The following ACTN4 variants were observed in gnomAD, a reference collection of about 807,000 sequenced individuals.
ACTN4 encodes the protein actinin alpha 4.
In ACTN4, 18 loss-of-function variants were observed where a neutral mutation model predicts 114.2. The observed-to-expected ratio is 0.16, with a 90% CI of 0.11 to 0.23. ACTN4 has a LOEUF of 0.23. Among genes scored for constraint, ACTN4 ranks in the 10% least tolerant of loss-of-function variants. The probability of loss-of-function intolerance (pLI) is 1.00; values close to 1 mark genes in which losing one functional copy is unlikely to be tolerated. For synonymous variants in ACTN4, 515 were observed against 506.3 expected, an observed-to-expected ratio of 1.02 and a Z score of -0.23; for missense variants, 722 against 1,262.9, an observed-to-expected ratio of 0.57 and a Z score of 6.49.
chr19:38,664,848 A>C (rs969015577), intron 1 of ACTN4, among the ~76,000 whole-genome samples: 1 of 152,212 alleles, frequency 6.6e-6, no homozygotes, highest in Non-Finnish European at 1.5e-5. Flanking sequence ...AAGAGAACCT[A>C]GAGCTCATTA....
rs573574520 is a variant in ACTN4, at chr19:38,711,224, C to T, written c.819+882C>T. 4.3e-6 allele frequency: 4 copies of T among 928,636 alleles called. No individual in the cohort carries two copies. In the East Asian group the frequency reaches 3.5e-4, roughly 80 times the overall value. 57.5% of individuals were successfully genotyped at this position (928,636 alleles called of 1,614,324 possible). On this transcript the variant is annotated intron_variant, in intron 8 of 20. Transcript: ENST00000252699. Reference sequence around the variant, plus strand: ...CAGGCCGGCCCGGCCGCCCTCCCTGCGTCTTTCACTCTCTCCTGCCTCTCT... The same window carrying T: ...CAGGCCGGCCCGGCCGCCCTCCCTGTGTCTTTCACTCTCTCCTGCCTCTCT...
intron 1 of ACTN4, among the ~76,000 whole-genome samples, chr19:38,674,110 T>C (rs1967299658): frequency 6.6e-6 from 1 of 151,878 alleles, no homozygotes; most frequent in Non-Finnish European, 1.5e-5. Flanking sequence ...AAGACCAGAG[T>C]CCTTTAAGAG....
intron 1 of ACTN4, among the ~76,000 whole-genome samples, chr19:38,663,800 G>A (rs1029387288): frequency 4.6e-5 from 7 of 152,182 alleles, no homozygotes; most frequent in Non-Finnish European, 1.0e-4. Context: ...TTCTGGGTCC[G>A]TATCCATTCA....
intron 1 of ACTN4, among the ~76,000 whole-genome samples, chr19:38,678,327 C>T (rs1361891966): frequency 6.6e-6 from 1 of 152,118 alleles, no homozygotes; most frequent in Non-Finnish European, 1.5e-5. Context: ...ATCGTGAAAG[C>T]GACAGTAAAG....
chr19:38,699,663 G>A (rs1000043704), intron 1 of ACTN4, among the ~76,000 whole-genome samples: 2 of 151,982 alleles, frequency 1.3e-5, no homozygotes, highest in Non-Finnish European at 2.9e-5. Flanking sequence ...GCTGAGGCAT[G>A]AGAATCGCTT....
chr19:38,674,456 G>T (rs1657708084), intron 1 of ACTN4, among the ~76,000 whole-genome samples: 1 of 152,178 alleles, frequency 6.6e-6, no homozygotes, highest in South Asian at 2.1e-4. Flanking sequence ...GTGTACAACA[G>T]TGAAAAAAGA....
intron 1 of ACTN4, among the ~76,000 whole-genome samples, chr19:38,648,971 A>T (rs1252460033): frequency 6.6e-6 from 1 of 151,736 alleles, no homozygotes; most frequent in Non-Finnish European, 1.5e-5. Flanking sequence ...TGCGTAATGG[A>T]TAGACTGAGA....
At position 38,724,645 on chromosome 19, in the gene ACTN4, G is replaced by A; in HGVS notation, c.2010+80G>A. 2.5e-6 allele frequency: 4 copies of A among 1,603,744 alleles called. No individual in the cohort carries two copies. In the South Asian group the frequency reaches 3.3e-5, roughly 13 times the overall value. On this transcript the variant is annotated intron_variant, in intron 16 of 20. Transcript: ENST00000252699. The surrounding 1 kb of genome is among the most constrained non-coding windows in gnomAD (Gnocchi z 7.0). ...GTGAGGGGGTCCCCGGCCAGCCCAG[G>A]GCCTGCAGACTGAGGCGCCTGGCAG...
intron 1 of ACTN4, chr19:38,693,611 A>C (rs1261929556): frequency 1.3e-5 from 2 of 152,104 alleles, no homozygotes; most frequent in Non-Finnish European, 2.9e-5. Context: ...TGAGGGAGGG[A>C]ATCATTGATG....
chr19:38,703,256 GAGATGGAA>G (rs1471353132), intron 3 of ACTN4, among the ~76,000 whole-genome samples: 2 of 49,940 alleles, frequency 4.0e-5, no homozygotes, highest in Non-Finnish European at 9.2e-5. Flanking sequence ...TTTTTTTTTT[GAGATGGAA>G]TCTCACTCTT....
rs553390992 is a variant in ACTN4 at position 38,727,776 on chromosome 19, C to T, written c.2338-170C>T. ...GGGAAAGGATGAAAGGGGCCCGTGC[C>T]GCCCCCGACCCCACGTGTCCCTGGC... On this transcript the variant is annotated intron_variant, in intron 18 of 20. Coordinates refer to ENST00000252699, the MANE Select transcript of ACTN4 (RefSeq NM_004924.6). This position sits in a 1 kb window ranked among gnomAD's most constrained non-coding sequence, Gnocchi z 5.4. 1.7e-5 allele frequency: 11 copies of T among 657,656 alleles called. 1 individual carries two copies. Among genetic ancestry groups the T allele is most frequent in the South Asian group, 1.6e-4 (9 of 55,128 alleles). The allele number at this position is 657,656 out of a possible 1,614,324, so 40.7% of individuals were successfully genotyped here.
At chr19:38,678,624 C>T (rs1967452494) in intron 1 of ACTN4, among the ~76,000 whole-genome samples, 1 of 152,210 alleles carries the variant, frequency 6.6e-6, no homozygotes, top group South Asian at 2.1e-4. Flanking sequence ...TGATAGCTCC[C>T]TGGCTCTCTC....
intron 1 of ACTN4, among the ~76,000 whole-genome samples, chr19:38,682,593 C>G (rs1458183119): frequency 6.6e-6 from 1 of 152,198 alleles, no homozygotes; most frequent in Admixed American, 6.5e-5. Context: ...AACCCTCACC[C>G]AAGCCACCAC....
At chr19:38,725,677 G>C in intron 16 of ACTN4, 47 bp from the exon 17 acceptor site, 1 of 1,598,750 alleles carries the variant, frequency 6.3e-7, no homozygotes, top group Non-Finnish European at 8.5e-7. Flanking sequence ...TGGTCAGTGG[G>C]GGCAGGCCCA....
rs563664489 is a variant in ACTN4, at chr19:38,731,140, C to G, written c.*1708C>G. The G allele has an allele frequency of 1.9e-6, 3 of 1,612,866 alleles. No homozygotes were observed. The highest frequency in any genetic ancestry group is 1.1e-5 in the South Asian group (1 of 90,996). Reference sequence around the variant, plus strand: ...CAGGTGAGGTGGGCCACACAGGACACGAACCGCTCGAAGTCCACACGCAGA... The same window carrying G: ...CAGGTGAGGTGGGCCACACAGGACAGGAACCGCTCGAAGTCCACACGCAGA... On this transcript the variant is annotated 3_prime_UTR_variant, in exon 21 of 21. Coordinates refer to ENST00000252699, the MANE Select transcript of ACTN4 (RefSeq NM_004924.6).
At chr19:38,690,481 C>T (rs1967890016) in intron 1 of ACTN4, among the ~76,000 whole-genome samples, 1 of 152,210 alleles carries the variant, frequency 6.6e-6, no homozygotes, top group Admixed American at 6.5e-5. Context: ...CTTCCATGAC[C>T]CACGGCTTCT....
At chr19:38,712,918 G>A (rs1968707590) in intron 8 of ACTN4, among the ~76,000 whole-genome samples, 1 of 152,132 alleles carries the variant, frequency 6.6e-6, no homozygotes, top group African/African-American at 2.4e-5. Flanking sequence ...GTATGGGTGG[G>A]TGCTGAGGCA....
intron 1 of ACTN4, among the ~76,000 whole-genome samples, chr19:38,689,713 G>T (rs1967861031): frequency 6.6e-6 from 1 of 151,676 alleles, no homozygotes; most frequent in African/African-American, 2.4e-5. Context: ...TCGCTCTGTT[G>T]CCCAGGCTGG....
intron 1 of ACTN4, among the ~76,000 whole-genome samples, chr19:38,668,147 A>G (rs908570716): frequency 6.6e-6 from 1 of 152,202 alleles, no homozygotes; most frequent in Admixed American, 6.5e-5. Flanking sequence ...GGCCTCTGAA[A>G]TGCTAATGCA....
Sources: gnomAD v4.1 joint callset for allele counts (sites outside exome capture counted in the v4.1 genomes callset) on GRCh38, gnomAD v4.1.1 for gene constraint, Gnocchi (gnomAD v3.1) non-coding constraint, MANE v1.5 for transcripts, NCBI Gene and HGNC (gene_info 2026-07-23, HGNC 2026-07-21) for gene names.